Variants in FMNL2 observed in about 807,000 individuals in gnomAD.
FMNL2 encodes the protein formin-like protein 2.
A neutral mutation model predicts 130.2 loss-of-function variants in FMNL2; 51 were observed. The observed-to-expected ratio is 0.39, with a 90% CI of 0.31 to 0.49. FMNL2 has a LOEUF of 0.49. Among genes scored for constraint, FMNL2 ranks in the 20% least tolerant of loss-of-function variants. The probability of loss-of-function intolerance (pLI) is 0.85; values close to 1 mark genes in which losing one functional copy is unlikely to be tolerated. For synonymous variants in FMNL2, 465 were observed against 467.1 expected, an observed-to-expected ratio of 1.00 and a Z score of 0.06; for missense variants, 977 against 1,316.2, an observed-to-expected ratio of 0.74 and a Z score of 3.99.
rs796954245 is a variant in FMNL2 at position 152,375,877 on chromosome 2, C to CTCTCTCTCTATATA, written c.117+40158_117+40159insCTCTCTCTATATAT. ...TCTCTCTCTCTCTCTCTCTCTCTCT[C>CTCTCTCTCTATATA]TATATATATATATATATATAATTAT... On this transcript the variant is annotated intron_variant, in intron 1 of 25. Transcript: ENST00000288670. 1.8e-3 allele frequency among the ~76,000 whole-genome samples: 198 copies of CTCTCTCTCTATATA among 112,460 alleles called. 1 individual carries two copies. The highest frequency in any genetic ancestry group is 0.014 in the Admixed American group (137 of 9,778). The allele number at this position is 112,460 out of a possible 152,430, so 73.8% of individuals were successfully genotyped here.
In FMNL2 at chr2:152,577,355, C is replaced by T. The variant is rs770784383; in HGVS notation, c.706-1533C>T. Among the ~76,000 whole-genome samples the T allele has an allele frequency of 7.2e-5, 11 of 152,196 alleles. No individual in the cohort carries two copies. The Middle Eastern group carries it at 0.014, about 188-fold the overall frequency. ...AGGGAGATCATTAGGAATTCTGTTT[C>T]GGGGATTTTAACTTTGAGATTCCCC... On this transcript the variant is annotated intron_variant, in intron 7 of 25. Coordinates refer to ENST00000288670, the MANE Select transcript of FMNL2 (RefSeq NM_052905.4).
intron 1 of FMNL2, among the ~76,000 whole-genome samples, chr2:152,414,464 A>G (rs1686494400): frequency 6.6e-6 from 1 of 152,188 alleles, no homozygotes; most frequent in Admixed American, 6.5e-5. Context: ...GTTAGTCAGA[A>G]GGGGACATCC....
At chr2:152,522,576 A>G (rs902292965) in intron 2 of FMNL2, among the ~76,000 whole-genome samples, 2 of 152,248 alleles carry the variant, frequency 1.3e-5, no homozygotes, top group Admixed American at 1.3e-4. Context: ...GGTCTTTCCT[A>G]TGCTGTTCTT....
chr2:152,419,437 T>A (rs905801925), intron 1 of FMNL2, among the ~76,000 whole-genome samples: 1 of 152,060 alleles, frequency 6.6e-6, no homozygotes, highest in Non-Finnish European at 1.5e-5. Flanking sequence ...ACATGCTAAG[T>A]GAAGTAAGCG....
At chr2:152,351,162 G>T (rs1423794674) in intron 1 of FMNL2, among the ~76,000 whole-genome samples, 1 of 152,158 alleles carries the variant, frequency 6.6e-6, no homozygotes, top group African/African-American at 2.4e-5. Flanking sequence ...GTTCAATTCT[G>T]TAGTGAAACA....
intron 9 of FMNL2, among the ~76,000 whole-genome samples, chr2:152,596,377 TTTG>T (rs1217263748): frequency 3.9e-5 from 6 of 152,236 alleles, no homozygotes; most frequent in Non-Finnish European, 8.8e-5. Flanking sequence ...TTAGTAGTTC[TTTG>T]TATGGTATGG....
At chr2:152,621,488 A>T (rs1434639089) in intron 15 of FMNL2, among the ~76,000 whole-genome samples, 1 of 151,196 alleles carries the variant, frequency 6.6e-6, no homozygotes, top group Non-Finnish European at 1.5e-5. Context: ...TGCTTGGCTG[A>T]TAACCAACTG....
At position 152,628,391 on chromosome 2, in the gene FMNL2, AGC is replaced by A; in HGVS notation, c.2260_2261del (p.Arg754GlyfsTer11). The A allele has an allele frequency of 6.2e-7, 1 of 1,614,042 alleles. No individual in the cohort carries two copies. The highest frequency in any genetic ancestry group is 8.5e-7 in the Non-Finnish European group (1 of 1,179,894). On this transcript the variant is annotated frameshift_variant, in exon 18 of 26. Coordinates refer to ENST00000288670, the MANE Select transcript of FMNL2 (RefSeq NM_052905.4). LOFTEE classifies it high-confidence loss of function. ...GAAGTGAAAGTGCTTCGGCTCTACG[AGC>A]GGGAAAGGAAGCCTCTGGAAAACTT...
chr2:152,398,241 G>A (rs1685506222), intron 1 of FMNL2, among the ~76,000 whole-genome samples: 1 of 152,194 alleles, frequency 6.6e-6, no homozygotes, highest in Admixed American at 6.5e-5. Context: ...CTGTGAATAA[G>A]GCAAATTCCA....
At chr2:152,622,566 C>T (rs1243819306) in intron 15 of FMNL2, 1 of 456,564 alleles carries the variant, frequency 2.2e-6, no homozygotes, top group African/African-American at 2.0e-5. Flanking sequence ...CTGTAGGTTG[C>T]TCCTCACTGA....
chr2:152,507,152 C>T (rs1271120259), intron 1 of FMNL2, among the ~76,000 whole-genome samples: 1 of 152,220 alleles, frequency 6.6e-6, no homozygotes, highest in African/African-American at 2.4e-5. Context: ...CCCATAGCTT[C>T]CATTCATTTC....
chr2:152,407,571 C>T (rs945530858), intron 1 of FMNL2, among the ~76,000 whole-genome samples: 13 of 151,950 alleles, frequency 8.6e-5, no homozygotes, highest in African/African-American at 2.7e-4. Context: ...GTGCATTAAA[C>T]GAAGAGGAAC....
chr2:152,461,545 G>A (rs1689252027), intron 1 of FMNL2, among the ~76,000 whole-genome samples: 1 of 152,092 alleles, frequency 6.6e-6, no homozygotes, highest in Admixed American at 6.5e-5. Context: ...CAATAACTGA[G>A]TCAAACATGT....
At chr2:152,369,701 A>G (rs1177610263) in intron 1 of FMNL2, among the ~76,000 whole-genome samples, 1 of 152,224 alleles carries the variant, frequency 6.6e-6, no homozygotes, top group Non-Finnish European at 1.5e-5. Context: ...AGACAGGACC[A>G]TGGGGTCTGA....
intron 23 of FMNL2, among the ~76,000 whole-genome samples, chr2:152,639,485 G>A (rs1682900742): frequency 6.6e-6 from 1 of 152,216 alleles, no homozygotes. Flanking sequence ...TCCTTGGGAA[G>A]GAGCAAGGCA....
At chr2:152,347,784 G>T (rs1205777513) in intron 1 of FMNL2, among the ~76,000 whole-genome samples, 1 of 152,082 alleles carries the variant, frequency 6.6e-6, no homozygotes, top group East Asian at 1.9e-4. Context: ...TAAAATTTGA[G>T]GGGCTCATGG....
intron 1 of FMNL2, among the ~76,000 whole-genome samples, chr2:152,435,018 T>C (rs2106105299): frequency 6.6e-6 from 1 of 152,240 alleles, no homozygotes; most frequent in Non-Finnish European, 1.5e-5. Flanking sequence ...CAAGGAGCTT[T>C]GGAGCATTGG....
chr2:152,412,870 A>G (rs1335582515), intron 1 of FMNL2, among the ~76,000 whole-genome samples: 4 of 152,100 alleles, frequency 2.6e-5, no homozygotes, highest in African/African-American at 4.8e-5. Context: ...GTAGTCAAGT[A>G]TTTCTGTTGC....
intron 9 of FMNL2, among the ~76,000 whole-genome samples, chr2:152,603,936 G>C (rs1349728505): frequency 6.6e-6 from 1 of 150,932 alleles, no homozygotes; most frequent in Non-Finnish European, 1.5e-5. Flanking sequence ...TATCATATGA[G>C]CCATTGGTTC....
Sources: gnomAD v4.1 joint callset for allele counts (sites outside exome capture counted in the v4.1 genomes callset) on GRCh38, gnomAD v4.1.1 for gene constraint, MANE v1.5 for transcripts, NCBI Gene and HGNC (gene_info 2026-07-23, HGNC 2026-07-21) for gene names.